Variants in OPLAH observed in about 807,000 individuals in gnomAD.
OPLAH encodes 5-oxoprolinase.
In OPLAH, 103 loss-of-function variants were observed where a neutral mutation model predicts 122.8. That is an observed-to-expected ratio of 0.84 (90% CI 0.71 to 0.99). OPLAH has a LOEUF of 0.99. Among genes scored for constraint, OPLAH ranks in the 50% least tolerant of loss-of-function variants. OPLAH has a pLI of 0.00. For synonymous variants in OPLAH, 875 were observed against 796.0 expected (o/e 1.10, Z -1.67); for missense variants, 1,902 against 1,836.5 (o/e 1.04, Z -0.65).
At chr8:144,052,744 T>C (rs1554758000) in intron 22 of OPLAH, 22 bp downstream of exon 22, 1 of 1,560,438 alleles carries the variant, frequency 6.4e-7, no homozygotes, top group Admixed American at 1.9e-5. Flanking sequence ...GGGCCCCCCC[T>C]CGCGCACACA....
In OPLAH at chr8:144,058,004, G is replaced by C; in HGVS notation, c.1088+6C>G. On this transcript the variant is annotated splice_donor_region_variant and intron_variant, in intron 8 of 26. Transcript: ENST00000618853. ...GGGTCCCAGCCTGGGAAGCAGGAGA[G>C]CTGACCTGAAGAAGAGGCGGGAACC... The C allele has an allele frequency of 6.2e-7, 1 of 1,612,426 alleles. No homozygotes were observed. Among genetic ancestry groups the C allele is most frequent in the Non-Finnish European group, 8.5e-7 (1 of 1,179,722 alleles).
rs559917848 is a variant in OPLAH, at chr8:144,060,658, G to C, written c.-59C>G. ...CCGCCCGGCGCAGGCCCCACCTGGC[G>C]CTCGGCTCCGGCTCGGTCGCTCGCG... On this transcript the variant is annotated 5_prime_UTR_variant, in exon 1 of 27. Coordinates refer to ENST00000618853, the MANE Select transcript of OPLAH (RefSeq NM_017570.5). 1.3e-5 allele frequency: 2 copies of C among 152,186 alleles called. No individual in the cohort carries two copies. The highest frequency in any genetic ancestry group is 2.1e-4 in the South Asian group (1 of 4,852). 9.4% of individuals were successfully genotyped at this position (152,186 alleles called of 1,614,324 possible).
chr8:144,056,332 C>G, intron 14 of OPLAH, 53 bp downstream of exon 14: 2 of 1,594,892 alleles, frequency 1.3e-6, no homozygotes, highest in South Asian at 1.1e-5. Flanking sequence ...GGCTTGGTCC[C>G]CATCCCGGTG....
At chr8:144,059,364 G>A (rs1835611919) in intron 3 of OPLAH, among the ~76,000 whole-genome samples, 1 of 152,230 alleles carries the variant, frequency 6.6e-6, no homozygotes, top group South Asian at 2.1e-4. Flanking sequence ...GGGTAGCTTG[G>A]GTGGCCCCAC....
Position 144,052,531 on chromosome 8 carries a change from G to A in OPLAH, c.3221C>T (p.Ala1074Val), listed in dbSNP as rs1554757941. Residue 1074 changes from alanine to valine, a missense_variant, in exon 23 of 27, where the codon GCG becomes GTG. By Grantham distance (64) the Ala-to-Val change is moderately conservative. Around this residue, in one of 3 missense-constraint regions of OPLAH, gnomAD observed 1,726 missense variants for 1,642.1 expected, o/e 1.05. Transcript: ENST00000618853. ...GSILDPSPEA[A>V]VVGGNVLTSQ... ...CGTGAGCACGTTGCCGCCCACCACC[G>A]CCGCCTCGGGCGACGGGTCCAGGAT... 1 of 1,590,122 alleles carries A rather than the reference G, an allele frequency of 6.3e-7. No individual in the cohort carries two copies.
Position 144,060,074 on chromosome 8 carries a change from G to T in OPLAH, c.-42C>A. On this transcript the variant is annotated 5_prime_UTR_variant, in exon 2 of 27. Coordinates refer to ENST00000618853, the MANE Select transcript of OPLAH (RefSeq NM_017570.5). ...TCCCACAGGAGCTCTTCAGCTGGTA[G>T]CCCTGGAAAAACTGGACGGAGGCGG... The T allele has an allele frequency of 1.3e-6, 2 of 1,587,546 alleles. No individual in the cohort carries two copies. The highest frequency in any genetic ancestry group is 1.7e-6 in the Non-Finnish European group (2 of 1,166,526).
Position 144,052,522 on chromosome 8 carries a change from C to T in OPLAH, c.3230G>A (p.Gly1077Asp). The change falls in exon 23 of 27, where the codon GGC becomes GAC. Residue 1077 changes from glycine (G) to aspartate (D), a missense_variant. This residue lies in a region of OPLAH where 1,726 missense variants were observed against 1,642.1 expected (regional missense o/e 1.05). Transcript: ENST00000618853. Reference sequence around the variant, plus strand: ...GCGCTGCGACGTGAGCACGTTGCCGCCCACCACCGCCGCCTCGGGCGACGG... The same window carrying T: ...GCGCTGCGACGTGAGCACGTTGCCGTCCACCACCGCCGCCTCGGGCGACGG... The part of the protein sequence containing the change: ...LDPSPEAAVV[G>D]GNVLTSQRVV... 1 of 1,586,014 alleles carries T rather than the reference C, an allele frequency of 6.3e-7. No individual in the cohort carries two copies.
In OPLAH at chr8:144,052,278, C is replaced by T; in HGVS notation, c.3352G>A (p.Glu1118Lys). The T allele has an allele frequency of 2.0e-6, 3 of 1,535,472 alleles. No homozygotes were observed. Among genetic ancestry groups the T allele is most frequent in the Non-Finnish European group, 2.6e-6 (3 of 1,145,766 alleles). Reference sequence around the variant, plus strand: ...GCGCCCGCGCCGCCCGCCACCGTCTCGTAGTAGCCCATGTGGGCGTTGCCC... The same window carrying T: ...GCGCCCGCGCCGCCCGCCACCGTCTTGTAGTAGCCCATGTGGGCGTTGCCC... ...TLGNAHMGYY[E>K]TVAGGAGAGP... The change falls in exon 24 of 27, where the codon GAG (glutamate) becomes AAG (lysine). Residue 1118 changes from glutamate to lysine, a missense_variant. Glu to Lys is a moderately conservative substitution (Grantham distance 56). Coordinates refer to ENST00000618853, the MANE Select transcript of OPLAH (RefSeq NM_017570.5).
In OPLAH at chr8:144,058,532, C is replaced by G; in HGVS notation, c.747G>C (p.Val249=). The change falls in exon 6 of 27, where the codon GTG becomes GTC. Residue 249 remains valine, a synonymous_variant. Coordinates refer to ENST00000618853, the MANE Select transcript of OPLAH (RefSeq NM_017570.5). ...CCTGGAAGCCACGGCAGAAGCCCTG[C>G]ACGTAGCGCTGGATGGCGGGCGTGA... ...AYLTPAIQRY[V]QGFCRGFQGQ... 1 of 1,595,728 alleles carries G rather than the reference C, an allele frequency of 6.3e-7. No homozygotes were observed. The highest frequency in any genetic ancestry group is 1.3e-5 in the African/African-American group (1 of 74,976).
At chr8:144,056,818 G>C in intron 12 of OPLAH, 63 bp from the exon 13 acceptor site, 2 of 1,532,170 alleles carry the variant, frequency 1.3e-6, no homozygotes, top group Non-Finnish European at 1.8e-6. Flanking sequence ...CCCACCCAGC[G>C]CCCGGCAAGG....
At chr8:144,061,295 A>T (rs1835658678), upstream of OPLAH, among the ~76,000 whole-genome samples, 4 of 152,248 alleles carry the variant, frequency 2.6e-5, no homozygotes, top group South Asian at 8.3e-4. Context: ...AGCACAACAC[A>T]CAGGTCATAA....
Position 144,055,225 on chromosome 8 carries a change from C to G in OPLAH, c.2249-36G>C, listed in dbSNP as rs1835483592. On this transcript the variant is annotated intron_variant, in intron 16 of 26. Transcript: ENST00000618853. The surrounding 1 kb of genome is among the most constrained non-coding windows in gnomAD (Gnocchi z 6.5). ...AAAGTGACCAGGCCCGCTGGCCCCA[C>G]CCACCCACAGCCTGGCCCCAGGAAA... is the stretch of plus-strand genomic sequence containing the variant. 1.3e-6 allele frequency: 2 copies of G among 1,490,786 alleles called. No individual in the cohort carries two copies. The highest frequency in any genetic ancestry group is 1.8e-6 in the Non-Finnish European group (2 of 1,121,222). 92.3% of individuals were successfully genotyped at this position (1,490,786 alleles called of 1,614,324 possible). A position where few individuals can be genotyped will look rare whatever the true frequency, so the allele number is the denominator to read the frequency against.
At position 144,055,016 on chromosome 8, in the gene OPLAH, G is replaced by T; in HGVS notation, c.2409+13C>A. ...GGGAGGGGGATGGAAGGGTGAGGCGGGGGAAGGGCCACCTGGAACTGCACC... is the reference window on the plus strand; with the variant it reads ...GGGAGGGGGATGGAAGGGTGAGGCGTGGGAAGGGCCACCTGGAACTGCACC... On this transcript the variant is annotated intron_variant, in intron 17 of 26. Coordinates refer to ENST00000618853, the MANE Select transcript of OPLAH (RefSeq NM_017570.5). The surrounding 1 kb of genome is among the most constrained non-coding windows in gnomAD (Gnocchi z 6.5). The T allele has an allele frequency of 6.8e-7, 1 of 1,468,460 alleles. No homozygotes were observed. The highest frequency in any genetic ancestry group is 2.3e-5 in the Admixed American group (1 of 43,920). 91.0% of individuals were successfully genotyped at this position (1,468,460 alleles called of 1,614,324 possible). A position where few individuals can be genotyped will look rare whatever the true frequency, so the allele number is the denominator to read the frequency against.
At position 144,051,788 on chromosome 8, in the gene OPLAH, G is replaced by T; in HGVS notation, c.3661C>A (p.Arg1221Ser). The change falls in exon 26 of 27, where the codon CGC (arginine) becomes AGC (serine). Residue 1221 changes from arginine to serine, a missense_variant. Around this residue, in one of 3 missense-constraint regions of OPLAH, gnomAD observed 1,726 missense variants for 1,642.1 expected, o/e 1.05. Coordinates refer to ENST00000618853, the MANE Select transcript of OPLAH (RefSeq NM_017570.5). ...AGATTCACCGTCCGGCCGTTTTTGCGGATCAGCAGGTTTAGGCCGCGGGCG... is the reference window on the plus strand; with the variant it reads ...AGATTCACCGTCCGGCCGTTTTTGCTGATCAGCAGGTTTAGGCCGCGGGCG... ...PGARGLNLLI[R>S]KNGRTVNLGG... The T allele has an allele frequency of 6.2e-7, 1 of 1,605,212 alleles. No individual in the cohort carries two copies. The highest frequency in any genetic ancestry group is 8.5e-7 in the Non-Finnish European group (1 of 1,177,578).
rs369434485 is a variant in OPLAH at position 144,058,564 on chromosome 8, C to T, written c.715G>A (p.Ala239Thr). Residue 239 changes from alanine (A) to threonine (T), a missense_variant, in exon 6 of 27, where the codon GCC becomes ACC. Ala to Thr is a moderately conservative substitution (Grantham distance 58). Coordinates refer to ENST00000618853, the MANE Select transcript of OPLAH (RefSeq NM_017570.5). ...VPRGHTACAD[A>T]YLTPAIQRYV... is the part of the protein sequence containing the mutation. Reference sequence around the variant, plus strand: ...CGCTGGATGGCGGGCGTGAGGTAGGCGTCGGCACAGGCCGTGTGCCCCCGA... The same window carrying T: ...CGCTGGATGGCGGGCGTGAGGTAGGTGTCGGCACAGGCCGTGTGCCCCCGA... 11 of 1,601,104 alleles carry T rather than the reference C, an allele frequency of 6.9e-6. No individual in the cohort carries two copies. The highest frequency in any genetic ancestry group is 4.0e-5 in the African/African-American group (3 of 74,904).
Position 144,057,125 on chromosome 8 carries a change from G to A in OPLAH, c.1536-7C>T. ...CGACAGCAGCCCACTGTGCCTGCAGGGATGGGCAGCATGGCAATGGGAGGT... is the reference window on the plus strand; with the variant it reads ...CGACAGCAGCCCACTGTGCCTGCAGAGATGGGCAGCATGGCAATGGGAGGT... On this transcript the variant is annotated splice_region_variant and splice_polypyrimidine_tract_variant and intron_variant, in intron 11 of 26. Coordinates refer to ENST00000618853, the MANE Select transcript of OPLAH (RefSeq NM_017570.5). 2 of 1,595,700 alleles carry A rather than the reference G, an allele frequency of 1.3e-6. No homozygotes were observed. Among genetic ancestry groups the A allele is most frequent in the Non-Finnish European group, 1.7e-6 (2 of 1,172,020 alleles).
chr8:144,058,779 G>C lies in OPLAH; in HGVS notation c.581C>G (p.Ser194Trp). 1 of 1,601,444 alleles carries C rather than the reference G, an allele frequency of 6.2e-7. No individual in the cohort carries two copies. The highest frequency in any genetic ancestry group is 1.1e-5 in the South Asian group (1 of 89,934). Residue 194 changes from serine to tryptophan, a missense_variant, in exon 5 of 27, where the codon TCG (serine) becomes TGG (tryptophan). By Grantham distance (177) the Ser-to-Trp change is radical. Transcript: ENST00000618853. ...IRSLAVVLMH[S>W]YTWAQHEQQV... ...ACAGCCCCACCTCACTCACGTGTAC[G>C]AGTGCATGAGCACCACAGCCAGGCT...
At chr8:144,060,200 A>G (rs1432447704) in intron 1 of OPLAH, 115 bp from the exon 2 acceptor site, 1 of 772,698 alleles carries the variant, frequency 1.3e-6, no homozygotes, top group Non-Finnish European at 2.0e-6. Flanking sequence ...CTCTGGGAAG[A>G]GCCAGAGCCG....
chr8:144,059,472 A>G, intron 3 of OPLAH, 127 bp downstream of exon 3: 1 of 1,021,622 alleles, frequency 9.8e-7, no homozygotes, highest in Middle Eastern at 2.9e-4. Context: ...GGAATTCGGG[A>G]GCTTCCTCTT....
Sources: gnomAD v4.1 joint callset for allele counts (sites outside exome capture counted in the v4.1 genomes callset) on GRCh38, gnomAD v4.1.1 for gene constraint, gnomAD v4.1.1 regional missense constraint, Gnocchi (gnomAD v3.1) non-coding constraint, MANE v1.5 for transcripts, NCBI Gene and HGNC (gene_info 2026-07-23, HGNC 2026-07-21) for gene names.